Variants in SATL1 observed in about 807,000 individuals in gnomAD.
SATL1 encodes spermidine/spermine N1-acetyl transferase like 1.
Under a neutral mutation model 51.8 loss-of-function variants are expected in SATL1, and 47 were observed. The ratio of observed to expected loss-of-function variants is 0.91; its 90% confidence interval spans 0.72 to 1.16. The LOEUF is 1.16. Ranked by LOEUF, SATL1 falls within the 50% of genes most tolerant of loss-of-function variation. SATL1 has a pLI of 0.00. For synonymous variants in SATL1, 176 were observed against 182.4 expected (o/e 0.97, Z 0.28); for missense variants, 520 against 526.4 (o/e 0.99, Z 0.12).
At chrX:85,221,285 T>C (rs982013471) in intron 2 of SATL1, among the ~76,000 whole-genome samples, 1 of 111,971 alleles carries the variant, frequency 8.9e-6, no homozygotes, top group Non-Finnish European at 1.9e-5. Flanking sequence ...TTCATAAGAA[T>C]ACTTACTATG....
At chrX:85,145,852 A>G (rs757344643) in intron 2 of SATL1, among the ~76,000 whole-genome samples, 1 of 110,957 alleles carries the variant, frequency 9.0e-6, no homozygotes, top group South Asian at 3.8e-4. Flanking sequence ...ATACAGTAAG[A>G]TATTTTGTAA....
rs191574455 is a variant in SATL1 at position 85,109,203 on chromosome X, C to T, written c.-235G>A. 2,300 of 402,682 alleles carry T rather than the reference C, an allele frequency of 5.7e-3. 7 individuals are homozygous for T. Among genetic ancestry groups the T allele is most frequent in the Non-Finnish European group, 8.3e-3 (1,943 of 234,041 alleles). The allele number at this position is 402,682 out of a possible 1,213,427, so 33.2% of individuals were successfully genotyped here. On this transcript the variant is annotated 5_prime_UTR_variant, in exon 3 of 8. Transcript: ENST00000644105. Reference sequence around the variant, plus strand: ...CACCTCAGGAAGATTATTAATGCCTCCGGTTTGCTGGAGTTGACTTCACCA... The same window carrying T: ...CACCTCAGGAAGATTATTAATGCCTTCGGTTTGCTGGAGTTGACTTCACCA...
chrX:85,216,136 A>C (rs770734595), intron 2 of SATL1, among the ~76,000 whole-genome samples: 1 of 111,508 alleles, frequency 9.0e-6, no homozygotes, highest in South Asian at 3.8e-4. Flanking sequence ...ATGGTGAGAA[A>C]GGAAGCAAGA....
At chrX:85,195,941 A>G (rs150871655) in intron 2 of SATL1, among the ~76,000 whole-genome samples, 125 of 110,772 alleles carry the variant, frequency 1.1e-3, no homozygotes, top group African/African-American at 4.0e-3. Flanking sequence ...GAATTAATTC[A>G]TAAGTGTGTG....
chrX:85,182,066 A>G (rs1011771932), intron 2 of SATL1, among the ~76,000 whole-genome samples: 3 of 111,159 alleles, frequency 2.7e-5, no homozygotes, highest in Admixed American at 1.9e-4. Context: ...CATATCCATC[A>G]TATCAAACAT....
chrX:85,131,069 A>C (rs147820853), intron 2 of SATL1, among the ~76,000 whole-genome samples: 4,222 of 111,604 alleles, frequency 0.038, 219 homozygotes, highest in African/African-American at 0.13. Flanking sequence ...ACTTCCAACT[A>C]TGTGGTCAAT....
chrX:85,189,005 T>C (rs776080129), intron 2 of SATL1, among the ~76,000 whole-genome samples: 1 of 112,288 alleles, frequency 8.9e-6, no homozygotes, highest in Non-Finnish European at 1.9e-5. Flanking sequence ...AAATTTTTGA[T>C]CACAGAATTA....
rs747588975 is a variant in SATL1, at chrX:85,108,389, A to G, written c.580T>C (p.Trp194Arg). The G allele has an allele frequency of 1.7e-5, 21 of 1,208,202 alleles. No individual in the cohort carries two copies. The highest frequency in any genetic ancestry group is 2.3e-5 in the Non-Finnish European group (21 of 894,694). ...RQPNMSPPGM[W>R]QPGVQQPGIS... Reference sequence around the variant, plus strand: ...CCTGGTTGTTGCACGCCTGGTTGCCACATGCCTGGTGGACTCATGTTTGGT... The same window carrying G: ...CCTGGTTGTTGCACGCCTGGTTGCCGCATGCCTGGTGGACTCATGTTTGGT... The change falls in exon 3 of 8, where the codon TGG (tryptophan) becomes CGG (arginine). Residue 194 changes from tryptophan to arginine, a missense_variant. Trp to Arg is a moderately radical substitution (Grantham distance 101). Coordinates refer to ENST00000644105, the MANE Select transcript of SATL1 (RefSeq NM_001367857.2).
At chrX:85,193,706 G>T (rs749887535) in intron 2 of SATL1, among the ~76,000 whole-genome samples, 5 of 111,449 alleles carry the variant, frequency 4.5e-5, no homozygotes, top group Non-Finnish European at 9.4e-5. Flanking sequence ...AGTATCTGTT[G>T]TTCCCTTCTT....
intron 2 of SATL1, among the ~76,000 whole-genome samples, chrX:85,124,472 G>A (rs766626055): frequency 8.0e-5 from 9 of 112,053 alleles, no homozygotes; most frequent in Non-Finnish European, 1.7e-4. Context: ...ATAAATGTGA[G>A]TTTACATATA....
intron 2 of SATL1, among the ~76,000 whole-genome samples, chrX:85,182,870 C>T (rs1399325889): frequency 9.0e-6 from 1 of 111,401 alleles, no homozygotes; most frequent in Non-Finnish European, 1.9e-5. Context: ...TATTTGTTGG[C>T]CATTTGTATG....
At chrX:85,222,792 A>G (rs2147761718) in intron 2 of SATL1, among the ~76,000 whole-genome samples, 1 of 112,067 alleles carries the variant, frequency 8.9e-6, no homozygotes, top group South Asian at 3.7e-4. Flanking sequence ...GGAGAGTGAC[A>G]AAAGGTAGTA....
chrX:85,131,859 C>T (rs189134857), intron 2 of SATL1, among the ~76,000 whole-genome samples: 335 of 111,700 alleles, frequency 3.0e-3, no homozygotes, highest in Non-Finnish European at 3.6e-3. Flanking sequence ...GACAAAATCT[C>T]TCAGCATTTG....
chrX:85,098,357 C>T (rs1395979850), intron 4 of SATL1, among the ~76,000 whole-genome samples: 1 of 111,417 alleles, frequency 9.0e-6, no homozygotes, highest in Non-Finnish European at 1.9e-5. Flanking sequence ...GAGAGAACTA[C>T]ACAGCAAGAC....
Position 85,109,037 on chromosome X carries a change from G to T in SATL1, c.-69C>A. ...ATGATGGGTTGGCAGACAACTGATT[G>T]GCTGATGGCTGTCTTGATGGAACAG... On this transcript the variant is annotated 5_prime_UTR_variant, in exon 3 of 8. Transcript: ENST00000644105. 1 of 975,565 alleles carries T rather than the reference G, an allele frequency of 1.0e-6. No homozygotes were observed. Among genetic ancestry groups the T allele is most frequent in the Non-Finnish European group, 1.4e-6 (1 of 708,555 alleles). The allele number at this position is 975,565 out of a possible 1,213,427, so 80.4% of individuals were successfully genotyped here. A position where few individuals can be genotyped will look rare whatever the true frequency, so the allele number is the denominator to read the frequency against.
intron 2 of SATL1, among the ~76,000 whole-genome samples, chrX:85,119,060 A>G (rs997242000): frequency 1.8e-5 from 2 of 111,944 alleles, no homozygotes; most frequent in African/African-American, 6.5e-5. Context: ...GCAATGCCAA[A>G]CATTAATCAA....
intron 2 of SATL1, among the ~76,000 whole-genome samples, chrX:85,151,677 T>A (rs1383043996): frequency 7.2e-5 from 8 of 111,270 alleles, no homozygotes; most frequent in African/African-American, 2.6e-4. Context: ...TCTACAACCA[T>A]CTGATCTTTG....
At chrX:85,176,016 T>C (rs764942512) in intron 2 of SATL1, among the ~76,000 whole-genome samples, 1 of 111,537 alleles carries the variant, frequency 9.0e-6, no homozygotes, top group South Asian at 3.7e-4. Context: ...ATATCCAGGA[T>C]AAATATTACA....
intron 1 of SATL1, among the ~76,000 whole-genome samples, chrX:85,230,889 T>G (rs1928367841): frequency 8.9e-6 from 1 of 112,165 alleles, no homozygotes; most frequent in Non-Finnish European, 1.9e-5. Context: ...ACATCACATC[T>G]GTTAGAATGG....
Sources: gnomAD v4.1 joint callset for allele counts (sites outside exome capture counted in the v4.1 genomes callset) on GRCh38, gnomAD v4.1.1 for gene constraint, MANE v1.5 for transcripts, NCBI Gene and HGNC (gene_info 2026-07-23, HGNC 2026-07-21) for gene names.